The following DEPDC5 variants were observed in gnomAD, a reference collection of about 807,000 sequenced individuals.
The protein encoded by DEPDC5 is GATOR1 complex protein DEPDC5.
A neutral mutation model predicts 217.3 loss-of-function variants in DEPDC5; 73 were observed. That is an observed-to-expected ratio of 0.34 (90% confidence interval 0.28 to 0.41). DEPDC5 has a LOEUF of 0.41. DEPDC5 is among the 10% of genes least tolerant of loss of function. The probability of loss-of-function intolerance (pLI) is 1.00; values close to 1 mark genes in which losing one functional copy is unlikely to be tolerated. For missense variants in DEPDC5, 1,675 were observed against 2,070.1 expected, an observed-to-expected ratio of 0.81 and a Z score of 3.70; for synonymous variants, 733 against 756.7, an observed-to-expected ratio of 0.97 and a Z score of 0.51.
At position 31,811,155 on chromosome 22, in the gene DEPDC5, C is replaced by T. The variant is rs374067680; in HGVS notation, c.1445+514C>T. ...CACAATCTCTGCTCACTGCAACTTCCGCCTCCTGGGTTCAAGCGATTCTCC... is the reference window on the plus strand; with the variant it reads ...CACAATCTCTGCTCACTGCAACTTCTGCCTCCTGGGTTCAAGCGATTCTCC... On this transcript the variant is annotated intron_variant, in intron 20 of 42. Transcript: ENST00000651528. Among the ~76,000 whole-genome samples the T allele has an allele frequency of 6.7e-5, 10 of 149,512 alleles. No homozygotes were observed. The South Asian group carries it at 8.5e-4, about 13-fold the overall frequency.
chr22:31,818,057 C>A (rs1457934666), intron 21 of DEPDC5, among the ~76,000 whole-genome samples: 1 of 152,002 alleles, frequency 6.6e-6, no homozygotes, highest in Non-Finnish European at 1.5e-5. Flanking sequence ...ATCTGCTGGA[C>A]CCACTTTTTC....
intron 35 of DEPDC5, 33 bp from the exon 36 acceptor site, chr22:31,874,239 TC>T: frequency 1.9e-6 from 3 of 1,571,390 alleles, no homozygotes; most frequent in Non-Finnish European, 2.6e-6. Context: ...GGCACACACA[TC>T]CCCTGCTCCC....
At chr22:31,883,633 C>A (rs1298345075) in intron 38 of DEPDC5, among the ~76,000 whole-genome samples, 1 of 152,208 alleles carries the variant, frequency 6.6e-6, no homozygotes, top group Non-Finnish European at 1.5e-5. Flanking sequence ...GTTTAGGAAA[C>A]TGTGAGGCTC....
Position 31,901,868 on chromosome 22 carries a change from A to G in DEPDC5, c.4436+66A>G, listed in dbSNP as rs540864458. The G allele has an allele frequency of 1.2e-5, 18 of 1,480,540 alleles. No homozygotes were observed. The South Asian group carries it at 2.0e-4, about 17-fold the overall frequency. 91.7% of individuals were successfully genotyped at this position (1,480,540 alleles called of 1,614,324 possible). On this transcript the variant is annotated intron_variant, in intron 41 of 42. Coordinates refer to ENST00000651528, the MANE Select transcript of DEPDC5 (RefSeq NM_001242896.3). ...GTGTTTATCTTGAATAGCAGTTACC[A>G]AAGTGAAACTCATTTTTTTAGCTCC...
intron 4 of DEPDC5, among the ~76,000 whole-genome samples, chr22:31,761,920 G>A: frequency 6.7e-6 from 1 of 148,564 alleles, no homozygotes. Flanking sequence ...GTGAGCCGAG[G>A]TCACGCCACT....
At chr22:31,864,187 C>T (rs1469236273) in intron 33 of DEPDC5, among the ~76,000 whole-genome samples, 1 of 150,970 alleles carries the variant, frequency 6.6e-6, no homozygotes, top group Non-Finnish European at 1.5e-5. Context: ...CTGCTCACTG[C>T]AACCTCTGCC....
intron 8 of DEPDC5, among the ~76,000 whole-genome samples, chr22:31,781,805 G>C (rs571276454): frequency 7.9e-5 from 12 of 152,200 alleles, no homozygotes; most frequent in Admixed American, 2.0e-4. Context: ...AGGCCGAGGT[G>C]GGGGGGATTG....
Position 31,879,505 on chromosome 22 carries a change from C to A in DEPDC5, c.3806-20C>A. 6.2e-7 allele frequency: 1 copy of A among 1,603,140 alleles called. No homozygotes were observed. The highest frequency in any genetic ancestry group is 1.1e-5 in the South Asian group (1 of 91,022). On this transcript the variant is annotated intron_variant, in intron 37 of 42. Transcript: ENST00000651528. ...AGCATTTGTGTTGAGTACTCCTTCT[C>A]TCCCCTCCACTTTTCCCAGTGGCCA...
At chr22:31,755,062 C>A in intron 2 of DEPDC5, 83 bp downstream of exon 2, 1 of 1,516,842 alleles carries the variant, frequency 6.6e-7, no homozygotes, top group Non-Finnish European at 9.1e-7. Context: ...CACACTGACT[C>A]GTGTGACAAT....
At chr22:31,790,928 G>A (rs545749300) in intron 10 of DEPDC5, among the ~76,000 whole-genome samples, 22 of 151,930 alleles carry the variant, frequency 1.4e-4, no homozygotes, top group African/African-American at 5.3e-4. Context: ...CCTACTTTTA[G>A]TAGAGATGGA....
At chr22:31,900,171 C>T (rs1485500306) in intron 40 of DEPDC5, among the ~76,000 whole-genome samples, 2 of 151,966 alleles carry the variant, frequency 1.3e-5, no homozygotes, top group African/African-American at 2.4e-5. Flanking sequence ...CACAGCCTCC[C>T]GATTACCTGG....
In DEPDC5 at chr22:31,792,792, G is replaced by A. The variant is rs763609844; in HGVS notation, c.742G>A (p.Gly248Arg). Residue 248 changes from glycine to arginine, a missense_variant, in exon 12 of 43, where the codon GGG becomes AGG. By Grantham distance (125) the Gly-to-Arg change is moderately radical. This residue lies in a region of DEPDC5 where 628 missense variants were observed against 762.1 expected (regional missense o/e 0.82). Transcript: ENST00000651528. The part of the protein sequence containing the change: ...NRASIRQDHK[G>R]RFYEDFYKVV... Reference sequence around the variant, plus strand: ...AGCCTCAATTCGACAGGATCACAAGGGGAGATTCTATGAAGACTTTTACAA... The same window carrying A: ...AGCCTCAATTCGACAGGATCACAAGAGGAGATTCTATGAAGACTTTTACAA... The A allele has an allele frequency of 1.3e-6, 2 of 1,543,982 alleles. No individual in the cohort carries two copies. Among genetic ancestry groups the A allele is most frequent in the South Asian group, 2.6e-5 (2 of 77,638 alleles).
chr22:31,842,822 G>A (rs1421606268), intron 27 of DEPDC5, among the ~76,000 whole-genome samples: 7 of 152,142 alleles, frequency 4.6e-5, no homozygotes, highest in Admixed American at 2.0e-4. Context: ...AGAGGATGAG[G>A]TATCAGGTTG....
intron 31 of DEPDC5, among the ~76,000 whole-genome samples, chr22:31,848,486 C>T (rs1304444757): frequency 6.6e-6 from 1 of 152,200 alleles, no homozygotes; most frequent in Non-Finnish European, 1.5e-5. Context: ...AGGCTTGGGG[C>T]TTACACCTTC....
intron 31 of DEPDC5, among the ~76,000 whole-genome samples, chr22:31,849,713 G>A (rs532904814): frequency 9.9e-5 from 15 of 152,150 alleles, no homozygotes; most frequent in African/African-American, 1.7e-4. Flanking sequence ...CCTGGGAGGC[G>A]GAGGTTGCAA....
At chr22:31,850,031 A>C (rs2149061650) in intron 31 of DEPDC5, among the ~76,000 whole-genome samples, 1 of 152,078 alleles carries the variant, frequency 6.6e-6, no homozygotes, top group South Asian at 2.1e-4. Flanking sequence ...AGGCACGAGA[A>C]TAGCTTGAAC....
intron 18 of DEPDC5, 24 bp from the exon 19 acceptor site, chr22:31,809,587 T>C (rs1299478699): frequency 6.2e-7 from 1 of 1,613,652 alleles, no homozygotes; most frequent in Non-Finnish European, 8.5e-7. Context: ...GAAGGAGTGA[T>C]TAATTATCTA....
At position 31,876,281 on chromosome 22, in the gene DEPDC5, A is replaced by C; in HGVS notation, c.3805+16A>C. 3.7e-6 allele frequency: 6 copies of C among 1,609,050 alleles called. No individual in the cohort carries two copies. The highest frequency in any genetic ancestry group is 5.1e-6 in the Non-Finnish European group (6 of 1,176,956). On this transcript the variant is annotated intron_variant, in intron 37 of 42. Transcript: ENST00000651528. Reference sequence around the variant, plus strand: ...CCCGACCGAGGTTAGAGCCGAGGCGAATGCGGTTGCCCACAGGGGCAAGTG... The same window carrying C: ...CCCGACCGAGGTTAGAGCCGAGGCGCATGCGGTTGCCCACAGGGGCAAGTG...
intron 13 of DEPDC5, among the ~76,000 whole-genome samples, chr22:31,798,360 A>G (rs959122624): frequency 6.6e-6 from 1 of 152,132 alleles, no homozygotes; most frequent in Admixed American, 6.6e-5. Flanking sequence ...TCTACTAAAA[A>G]TACAAAAATT....
Sources: allele counts gnomAD v4.1 joint callset (sites outside exome capture counted in the v4.1 genomes callset), GRCh38; gene constraint gnomAD v4.1.1; regional missense constraint gnomAD v4.1.1; transcripts MANE v1.5; gene names NCBI Gene and HGNC (gene_info 2026-07-23, HGNC 2026-07-21).